Variants in ACVR1B observed in about 807,000 individuals in gnomAD.
ACVR1B encodes the protein activin A receptor type 1B.
Under a neutral mutation model 55.6 loss-of-function variants are expected in ACVR1B, and 15 were observed. That is an observed-to-expected ratio of 0.27 (90% CI 0.18 to 0.42). The LOEUF is 0.42. ACVR1B is among the 10% of genes least tolerant of loss of function. The pLI is 1.00. For missense variants in ACVR1B, 359 were observed against 670.1 expected, an observed-to-expected ratio of 0.54 and a Z score of 5.13; for synonymous variants, 247 against 254.6, an observed-to-expected ratio of 0.97 and a Z score of 0.28.
chr12:51,982,941 G>A (rs767578218), intron 4 of ACVR1B: 13 of 853,332 alleles, frequency 1.5e-5, no homozygotes, highest in Admixed American at 3.9e-5. Context: ...GTTAGAGTGC[G>A]AGAAGCAGTG....
intron 8 of ACVR1B, 89 bp from the exon 9 acceptor site, chr12:51,993,896 G>A (rs781516605): frequency 2.6e-6 from 4 of 1,551,118 alleles, no homozygotes; most frequent in Non-Finnish European, 3.5e-6. Context: ...CACTGAGCGG[G>A]AGGTGGCAGG....
intron 1 of ACVR1B, among the ~76,000 whole-genome samples, chr12:51,958,736 C>T (rs1214790329): frequency 6.6e-6 from 1 of 152,174 alleles, no homozygotes; most frequent in Non-Finnish European, 1.5e-5. Context: ...CTCGCATGCG[C>T]GGTTCACCGT....
chr12:51,951,859 G>T, intron 1 of ACVR1B, 25 bp downstream of exon 1: 5 of 1,244,216 alleles, frequency 4.0e-6, no homozygotes, highest in Non-Finnish European at 5.1e-6. Context: ...GGGGGGCGGG[G>T]GCCGGGATGG....
chr12:51,991,324 A>AC (rs750102079), intron 7 of ACVR1B, among the ~76,000 whole-genome samples: 12 of 151,830 alleles, frequency 7.9e-5, no homozygotes, highest in Non-Finnish European at 1.6e-4. Flanking sequence ...TTTTGATGTG[A>AC]CCCCCAGTAG....
intron 4 of ACVR1B, 54 bp downstream of exon 4, chr12:51,981,253 G>T (rs116466437): frequency 6.7e-7 from 1 of 1,496,120 alleles, no homozygotes; most frequent in Non-Finnish European, 9.3e-7. Context: ...TAGAGAAAGT[G>T]CATAGCTATG....
In ACVR1B at chr12:51,976,583, G is replaced by A. The variant is rs376800985; in HGVS notation, c.580+8G>A. The A allele has an allele frequency of 6.8e-6, 11 of 1,612,110 alleles. No homozygotes were observed. Among genetic ancestry groups the A allele is most frequent in the Non-Finnish European group, 9.3e-6 (11 of 1,179,836 alleles). ...CCTCAGGGTCTGGCTCAGGTACCAA[G>A]TTCTTCAGGGCATCATGTCTGTGGT... On this transcript the variant is annotated splice_region_variant and intron_variant, in intron 3 of 8. Coordinates refer to ENST00000257963, the MANE Select transcript of ACVR1B (RefSeq NM_004302.5).
At chr12:51,974,189 C>T (rs546155487) in intron 1 of ACVR1B, among the ~76,000 whole-genome samples, 2 of 152,270 alleles carry the variant, frequency 1.3e-5, no homozygotes, top group South Asian at 4.1e-4. Flanking sequence ...TGTGTGAGTG[C>T]TTCCTTCAGC....
In ACVR1B at chr12:51,968,671, C is replaced by T. The variant is rs1291691177; in HGVS notation, c.92-6594C>T. Among the ~76,000 whole-genome samples the T allele has an allele frequency of 2.0e-5, 3 of 152,194 alleles. No homozygotes were observed. In the East Asian group the frequency reaches 5.8e-4, roughly 29 times the overall value. On this transcript the variant is annotated intron_variant, in intron 1 of 8. Transcript: ENST00000257963. ...CTAGGCTGCTAGAAGGATACAGTTT[C>T]TGCCAGGTTCGTTTCCTTTTGGGTT...
Position 51,961,733 on chromosome 12 carries a change from A to G in ACVR1B, c.91+9899A>G, listed in dbSNP as rs562900500. Among the ~76,000 whole-genome samples the G allele has an allele frequency of 3.3e-5, 5 of 152,386 alleles. 1 individual carries two copies. The East Asian group carries it at 7.7e-4, about 23-fold the overall frequency. On this transcript the variant is annotated intron_variant, in intron 1 of 8. Transcript: ENST00000257963. ...AGGGATAAATATCCTTCCCTGCTCTATTGAGCCAGAAGTATGTTTATTCAG... is the reference window on the plus strand; with the variant it reads ...AGGGATAAATATCCTTCCCTGCTCTGTTGAGCCAGAAGTATGTTTATTCAG...
intron 1 of ACVR1B, among the ~76,000 whole-genome samples, chr12:51,969,803 T>G (rs1236639779): frequency 6.6e-6 from 1 of 152,160 alleles, no homozygotes; most frequent in Admixed American, 6.5e-5. Flanking sequence ...AGGGATCGTG[T>G]GTGGCCATGA....
In ACVR1B at chr12:51,995,794, C is replaced by T. The variant is rs1942287271; in HGVS notation, c.*1684C>T. On this transcript the variant is annotated 3_prime_UTR_variant, in exon 9 of 9. Coordinates refer to ENST00000257963, the MANE Select transcript of ACVR1B (RefSeq NM_004302.5). ...ACTCAGCAGTGAGAGTTCCTCTTTG[C>T]CCTGAGGCTCAGTCTCTCTCGTATT... 6.6e-6 allele frequency: 1 copy of T among 152,634 alleles called. No homozygotes were observed. The highest frequency in any genetic ancestry group is 1.5e-5 in the Non-Finnish European group (1 of 68,074). 9.5% of individuals were successfully genotyped at this position (152,634 alleles called of 1,614,324 possible).
At chr12:51,982,283 T>C (rs1199199565) in intron 4 of ACVR1B, among the ~76,000 whole-genome samples, 3 of 152,182 alleles carry the variant, frequency 2.0e-5, no homozygotes, top group Non-Finnish European at 2.9e-5. Flanking sequence ...CTTGGATGGC[T>C]GTGGGTGGAG....
chr12:51,955,817 G>GCCC (rs1941396469), intron 1 of ACVR1B, among the ~76,000 whole-genome samples: 1 of 152,212 alleles, frequency 6.6e-6, no homozygotes, highest in Non-Finnish European at 1.5e-5. Context: ...ACTGCAGGCA[G>GCCC]CCACAGCCCA....
At chr12:51,979,628 A>G (rs1174363846) in intron 3 of ACVR1B, among the ~76,000 whole-genome samples, 1 of 152,236 alleles carries the variant, frequency 6.6e-6, no homozygotes, top group Non-Finnish European at 1.5e-5. Flanking sequence ...GGAGACCAGC[A>G]TGATGTGCTT....
intron 1 of ACVR1B, among the ~76,000 whole-genome samples, chr12:51,972,975 C>T (rs1335812441): frequency 6.6e-6 from 1 of 152,130 alleles, no homozygotes; most frequent in Non-Finnish European, 1.5e-5. Context: ...CAAACCCACA[C>T]GGCCCAGCCC....
chr12:51,959,427 A>C (rs1335244806), intron 1 of ACVR1B, among the ~76,000 whole-genome samples: 1 of 152,226 alleles, frequency 6.6e-6, no homozygotes, highest in Non-Finnish European at 1.5e-5. Context: ...CCCAGCTGAC[A>C]GCTAGGAGGA....
chr12:51,994,526 G>A lies in ACVR1B; in HGVS notation c.*416G>A, dbSNP rs1183009040. The A allele has an allele frequency of 1.1e-5, 2 of 175,184 alleles. No homozygotes were observed. The highest frequency in any genetic ancestry group is 1.7e-4 in the East Asian group (1 of 5,838). The allele number at this position is 175,184 out of a possible 1,614,324, so 10.9% of individuals were successfully genotyped here. ...GGGGACCAGCCCACAGCACACCAAG[G>A]TGGCCCGGAAGAACCAGAAGTGCAG... On this transcript the variant is annotated 3_prime_UTR_variant, in exon 9 of 9. Coordinates refer to ENST00000257963, the MANE Select transcript of ACVR1B (RefSeq NM_004302.5). This position sits in a 1 kb window ranked among gnomAD's most constrained non-coding sequence, Gnocchi z 4.2.
intron 1 of ACVR1B, among the ~76,000 whole-genome samples, chr12:51,959,459 A>T (rs1007150894): frequency 6.6e-6 from 1 of 152,218 alleles, no homozygotes; most frequent in Non-Finnish European, 1.5e-5. Context: ...TCAGTCCTTC[A>T]TCTGCAAGGC....
intron 4 of ACVR1B, chr12:51,982,706 T>C (rs2120678128): frequency 2.0e-6 from 3 of 1,532,520 alleles, no homozygotes; most frequent in Non-Finnish European, 2.6e-6. Flanking sequence ...ATTCCTCACA[T>C]TGCCATGGGA....
Sources: allele counts gnomAD v4.1 joint callset (sites outside exome capture counted in the v4.1 genomes callset), GRCh38; gene constraint gnomAD v4.1.1; non-coding constraint Gnocchi (gnomAD v3.1); transcripts MANE v1.5; gene names NCBI Gene and HGNC (gene_info 2026-07-23, HGNC 2026-07-21).